Variants in PTPRN2 observed in about 807,000 individuals in gnomAD.
The protein encoded by PTPRN2 is protein tyrosine phosphatase receptor type N2, also known as receptor-type tyrosine-protein phosphatase N2.
In PTPRN2, 74 loss-of-function variants were observed where a neutral mutation model predicts 118.8. The ratio of observed to expected loss-of-function variants is 0.62; its 90% CI spans 0.52 to 0.76. The LOEUF (loss-of-function observed/expected upper bound fraction) is 0.76, where lower values mean the gene tolerates loss of function less well. Ranked by LOEUF, PTPRN2 falls within the 30% of genes least tolerant of loss-of-function variation. The probability of loss-of-function intolerance (pLI) is 0.00; values close to 1 mark genes in which losing one functional copy is unlikely to be tolerated. For missense variants in PTPRN2, 1,481 were observed against 1,394.4 expected (o/e 1.06, Z -0.99); for synonymous variants, 641 against 608.0 (o/e 1.05, Z -0.80).
At chr7:157,866,243 G>C (rs1367599536) in intron 12 of PTPRN2, among the ~76,000 whole-genome samples, 1 of 152,148 alleles carries the variant, frequency 6.6e-6, no homozygotes, top group African/African-American at 2.4e-5. Context: ...CTGGGCATTT[G>C]TTTCATCAAT....
At position 157,673,023 on chromosome 7, in the gene PTPRN2, T is replaced by C. The variant is rs573308644; in HGVS notation, c.2001+9702A>G. Among the ~76,000 whole-genome samples the C allele has an allele frequency of 2.0e-5, 3 of 152,306 alleles. No individual in the cohort carries two copies. The East Asian group carries it at 5.8e-4, about 29-fold the overall frequency. On this transcript the variant is annotated intron_variant, in intron 13 of 22. Transcript: ENST00000389418. ...ACCTGCCACCTTTCTAGTGAGTCTC[T>C]TGTACTTGCTAATAGAGAAATAACA...
chr7:157,796,111 T>C (rs1394750620), intron 12 of PTPRN2, among the ~76,000 whole-genome samples: 1 of 152,226 alleles, frequency 6.6e-6, no homozygotes, highest in Non-Finnish European at 1.5e-5. Context: ...CAGAGGGACC[T>C]GCCCAGTCCT....
intron 3 of PTPRN2, among the ~76,000 whole-genome samples, chr7:158,248,207 CTT>C (rs1457596986): frequency 2.6e-5 from 4 of 152,178 alleles, no homozygotes; most frequent in Admixed American, 6.5e-5. Flanking sequence ...CCCCTTCCGT[CTT>C]GACACTCAAA....
At chr7:157,673,549 C>G (rs1796513206) in intron 13 of PTPRN2, among the ~76,000 whole-genome samples, 1 of 152,158 alleles carries the variant, frequency 6.6e-6, no homozygotes. Flanking sequence ...GAGTAGCTAG[C>G]TGTCTGCCCC....
At chr7:157,725,964 C>T (rs2952643) in intron 12 of PTPRN2, among the ~76,000 whole-genome samples, 1,280 of 82,334 alleles carry the variant, frequency 0.016, no homozygotes, top group East Asian at 0.077. Context: ...ACTGGATATC[C>T]ACATGCAGAG....
chr7:158,271,429 A>G (rs1341519341), intron 3 of PTPRN2, among the ~76,000 whole-genome samples: 1 of 152,188 alleles, frequency 6.6e-6, no homozygotes, highest in Non-Finnish European at 1.5e-5. Flanking sequence ...AAAAGCCACA[A>G]TCAACGCTAA....
chr7:158,165,467 G>A (rs1563545227), intron 6 of PTPRN2, among the ~76,000 whole-genome samples: 2 of 152,362 alleles, frequency 1.3e-5, no homozygotes, highest in East Asian at 1.9e-4. Flanking sequence ...CATCGGTAAT[G>A]GTCACACGTC....
chr7:157,719,421 C>T lies in PTPRN2; in HGVS notation c.1789-36484G>A, dbSNP rs979331263. 1.2e-4 allele frequency among the ~76,000 whole-genome samples: 19 copies of T among 152,390 alleles called. 1 individual carries two copies. The highest frequency in any genetic ancestry group is 2.6e-4 in the Admixed American group (4 of 15,312). On this transcript the variant is annotated intron_variant, in intron 12 of 22. Coordinates refer to ENST00000389418, the MANE Select transcript of PTPRN2 (RefSeq NM_002847.5). Reference sequence around the variant, plus strand: ...CCAAGGCCACAGCACTGCCGTCATGCGCTCCAGAGAAAGGTCACCTGCCAC... The same window carrying T: ...CCAAGGCCACAGCACTGCCGTCATGTGCTCCAGAGAAAGGTCACCTGCCAC...
chr7:157,610,738 C>T lies in PTPRN2; in HGVS notation c.2345-6663G>A, dbSNP rs1802279740. Among the ~76,000 whole-genome samples, 1 of 152,242 alleles carries T rather than the reference C, an allele frequency of 6.6e-6. No homozygotes were observed. ...GCTTGATTCTTTGCAGACCTGGGCA[C>T]TTGAAGACCAGCAACAGCGTGATGA... is the stretch of plus-strand genomic sequence containing the variant. On this transcript the variant is annotated intron_variant, in intron 15 of 22. Coordinates refer to ENST00000389418, the MANE Select transcript of PTPRN2 (RefSeq NM_002847.5). This position sits in a 1 kb window ranked among gnomAD's most constrained non-coding sequence, Gnocchi z 5.1.
intron 2 of PTPRN2, among the ~76,000 whole-genome samples, chr7:158,406,264 ATT>A (rs1813421725): frequency 7.3e-6 from 1 of 136,758 alleles, no homozygotes; most frequent in African/African-American, 2.8e-5. Flanking sequence ...TCCGTGAGAC[ATT>A]TGGCTGCACA....
At chr7:157,835,620 G>A (rs780458078) in intron 12 of PTPRN2, among the ~76,000 whole-genome samples, 1 of 152,190 alleles carries the variant, frequency 6.6e-6, no homozygotes, top group African/African-American at 2.4e-5. Flanking sequence ...CAATGCCTCG[G>A]CTCTCAGGGC....
chr7:158,203,715 T>C (rs770642217), intron 4 of PTPRN2, among the ~76,000 whole-genome samples: 19 of 152,208 alleles, frequency 1.2e-4, no homozygotes, highest in Admixed American at 6.5e-4. Flanking sequence ...TTCAAGGTCA[T>C]TGGGGCAGTG....
chr7:158,195,454 C>CT (rs1231268308), intron 4 of PTPRN2, among the ~76,000 whole-genome samples: 1 of 151,888 alleles, frequency 6.6e-6, no homozygotes, highest in Non-Finnish European at 1.5e-5. Flanking sequence ...TTTTAGGGGG[C>CT]TTATTGAGCT....
intron 6 of PTPRN2, among the ~76,000 whole-genome samples, chr7:158,163,729 T>C (rs1299824596): frequency 6.6e-6 from 1 of 151,928 alleles, no homozygotes; most frequent in Non-Finnish European, 1.5e-5. Flanking sequence ...GTGATGCCTG[T>C]ACCGGGTTCT....
intron 3 of PTPRN2, among the ~76,000 whole-genome samples, chr7:158,221,655 C>T (rs1168473669): frequency 1.3e-5 from 2 of 152,094 alleles, no homozygotes; most frequent in African/African-American, 4.8e-5. Context: ...GAAAGGGTTT[C>T]CTTCGGATCC....
At chr7:157,858,248 C>CTCCCAGCTA (rs1563179407) in intron 12 of PTPRN2, among the ~76,000 whole-genome samples, 1 of 6,110 alleles carries the variant, frequency 1.6e-4, no homozygotes, top group African/African-American at 1.1e-3. Flanking sequence ...CAGGGAGAGC[C>CTCCCAGCTA]CCGTCACCAC....
chr7:158,245,606 A>T (rs983632362), intron 3 of PTPRN2, among the ~76,000 whole-genome samples: 2 of 152,080 alleles, frequency 1.3e-5, no homozygotes, highest in Non-Finnish European at 2.9e-5. Flanking sequence ...TACTAGGTGG[A>T]GGGAGTTTTC....
rs1368185397 is a variant in PTPRN2, at chr7:157,711,451, C to T, written c.1789-28514G>A. On this transcript the variant is annotated intron_variant, in intron 12 of 22. Transcript: ENST00000389418. Reference sequence around the variant, plus strand: ...GCGAGAGCCCCACGCGCCGGAGGTCCGGTTTGTGCACCTGCACACGGGTCC... The same window carrying T: ...GCGAGAGCCCCACGCGCCGGAGGTCTGGTTTGTGCACCTGCACACGGGTCC... Among the ~76,000 whole-genome samples, 3 of 46,276 alleles carry T rather than the reference C, an allele frequency of 6.5e-5. 1 individual carries two copies. Among genetic ancestry groups the T allele is most frequent in the Non-Finnish European group, 2.2e-4 (3 of 13,362 alleles). The allele number at this position is 46,276 out of a possible 152,430, so 30.4% of individuals were successfully genotyped here.
In PTPRN2 at chr7:157,598,420, T is replaced by C. The variant is rs1168041837; in HGVS notation, c.2419-3105A>G. Reference sequence around the variant, plus strand: ...GGGTGAGCTCAGGGAGTGAGGAGCTTGGACGTCGGCGTCTCCGGGCCTCAG... The same window carrying C: ...GGGTGAGCTCAGGGAGTGAGGAGCTCGGACGTCGGCGTCTCCGGGCCTCAG... On this transcript the variant is annotated intron_variant, in intron 16 of 22. Coordinates refer to ENST00000389418, the MANE Select transcript of PTPRN2 (RefSeq NM_002847.5). This position sits in a 1 kb window ranked among gnomAD's most constrained non-coding sequence, Gnocchi z 5.2. 6.6e-6 allele frequency among the ~76,000 whole-genome samples: 1 copy of C among 151,706 alleles called. No individual in the cohort carries two copies. The highest frequency in any genetic ancestry group is 6.5e-5 in the Admixed American group (1 of 15,268).
Sources: gnomAD v4.1 joint callset for allele counts (sites outside exome capture counted in the v4.1 genomes callset) on GRCh38, gnomAD v4.1.1 for gene constraint, Gnocchi (gnomAD v3.1) non-coding constraint, MANE v1.5 for transcripts, NCBI Gene and HGNC (gene_info 2026-07-23, HGNC 2026-07-21) for gene names.